THSD7B: variants seen among roughly 807,000 people sequenced by gnomAD.
THSD7B encodes thrombospondin type-1 domain-containing protein 7B.
Under a neutral mutation model 213.6 loss-of-function variants are expected in THSD7B, and 138 were observed. The ratio of observed to expected loss-of-function variants is 0.65; its 90% CI spans 0.56 to 0.74. The LOEUF (loss-of-function observed/expected upper bound fraction) is 0.74. Ranked by LOEUF, THSD7B falls within the 30% of genes least tolerant of loss-of-function variation. The pLI, the probability that THSD7B is intolerant of heterozygous loss-of-function variation, is 0.00. For missense variants in THSD7B, 1,931 were observed against 1,991.5 expected (o/e 0.97, Z 0.58); for synonymous variants, 742 against 687.0 (o/e 1.08, Z -1.25).
intron 2 of THSD7B, among the ~76,000 whole-genome samples, chr2:137,025,127 A>G (rs995145041): frequency 2.0e-5 from 3 of 152,160 alleles, no homozygotes; most frequent in African/African-American, 7.2e-5. Context: ...AAGTCTACCC[A>G]GTCTTTTCAT....
chr2:137,099,052 G>C (rs949326604), intron 4 of THSD7B, among the ~76,000 whole-genome samples: 4 of 152,126 alleles, frequency 2.6e-5, no homozygotes, highest in African/African-American at 9.7e-5. Context: ...CAGTCTATTT[G>C]TAATTTTATG....
intron 26 of THSD7B, 131 bp downstream of exon 26, chr2:137,663,706 T>G (rs1356837627): frequency 1.3e-6 from 1 of 782,860 alleles, no homozygotes; most frequent in Non-Finnish European, 2.0e-6. Context: ...AAGGCATAAT[T>G]CAGGGTTTCT....
intron 15 of THSD7B, among the ~76,000 whole-genome samples, chr2:137,544,866 T>C (rs542203052): frequency 1.3e-4 from 19 of 151,952 alleles, no homozygotes; most frequent in African/African-American, 4.6e-4. Flanking sequence ...CTGACATTAT[T>C]GTAGAATTGT....
In THSD7B at chr2:137,078,304, T is replaced by A. The variant is rs370498666; in HGVS notation, c.951-16569T>A. Among the ~76,000 whole-genome samples the A allele has an allele frequency of 7.2e-5, 11 of 152,278 alleles. No individual in the cohort carries two copies. The East Asian group carries it at 1.5e-3, about 21-fold the overall frequency. ...TTTTGGCTTAGGATTGACTTGGCAATGTGGACTCTTTTTTGTTAAGTTTTT... is the reference window on the plus strand; with the variant it reads ...TTTTGGCTTAGGATTGACTTGGCAAAGTGGACTCTTTTTTGTTAAGTTTTT... On this transcript the variant is annotated intron_variant, in intron 3 of 27. Coordinates refer to ENST00000409968, the MANE Select transcript of THSD7B (RefSeq NM_001316349.2).
intron 14 of THSD7B, among the ~76,000 whole-genome samples, chr2:137,447,318 T>G (rs1032101772): frequency 1.3e-5 from 2 of 152,170 alleles, no homozygotes; most frequent in Non-Finnish European, 2.9e-5. Flanking sequence ...AATTCTGCTT[T>G]AACATAGGGT....
At chr2:136,883,191 C>T (rs913832617) in intron 2 of THSD7B, among the ~76,000 whole-genome samples, 3 of 151,894 alleles carry the variant, frequency 2.0e-5, no homozygotes, top group African/African-American at 7.3e-5. Context: ...CTATGGTCCT[C>T]AAAGAATTTT....
At chr2:137,498,624 T>C (rs1346625639) in intron 15 of THSD7B, among the ~76,000 whole-genome samples, 1 of 151,978 alleles carries the variant, frequency 6.6e-6, no homozygotes, top group Non-Finnish European at 1.5e-5. Context: ...GAATGGAATC[T>C]GGGGGTAGGG....
intron 20 of THSD7B, among the ~76,000 whole-genome samples, chr2:137,623,184 C>T (rs1374032038): frequency 6.6e-6 from 1 of 152,120 alleles, no homozygotes; most frequent in Non-Finnish European, 1.5e-5. Flanking sequence ...ATATGCGAAT[C>T]AATAAACATA....
At chr2:137,240,625 C>T (rs1237510956) in intron 9 of THSD7B, among the ~76,000 whole-genome samples, 1 of 152,116 alleles carries the variant, frequency 6.6e-6, no homozygotes, top group Admixed American at 6.5e-5. Flanking sequence ...ATCCTCTGGC[C>T]TCAGCAACCC....
At chr2:136,774,812 C>T (rs1019438757) in intron 1 of THSD7B, among the ~76,000 whole-genome samples, 2 of 152,228 alleles carry the variant, frequency 1.3e-5, no homozygotes, top group African/African-American at 4.8e-5. Context: ...GGAATAAAAA[C>T]ATAATGCTTG....
At chr2:136,891,006 A>C (rs936661554) in intron 2 of THSD7B, among the ~76,000 whole-genome samples, 9 of 150,502 alleles carry the variant, frequency 6.0e-5, no homozygotes, top group African/African-American at 2.0e-4. Flanking sequence ...TAATGTCTAA[A>C]TTTTTTTTCT....
In THSD7B at chr2:137,226,113, T is replaced by C. The variant is rs149441502; in HGVS notation, c.1724-4931T>C. On this transcript the variant is annotated intron_variant, in intron 7 of 27. Coordinates refer to ENST00000409968, the MANE Select transcript of THSD7B (RefSeq NM_001316349.2). ...TGGGCAAGCATTTAATCAAGGTTTA[T>C]TGGCATTCTTTTCTTAGATTTAAGT... Among the ~76,000 whole-genome samples the C allele has an allele frequency of 2.9e-4, 44 of 152,002 alleles. 2 individuals carry two copies. Among genetic ancestry groups the C allele is most frequent in the Middle Eastern group, 6.8e-3 (2 of 294 alleles).
chr2:137,121,880 G>C (rs1377927724), intron 5 of THSD7B, among the ~76,000 whole-genome samples: 1 of 152,198 alleles, frequency 6.6e-6, no homozygotes, highest in African/African-American at 2.4e-5. Context: ...TTGTTTGACT[G>C]TTGACCAGAC....
At chr2:136,937,987 G>A (rs1270284430) in intron 2 of THSD7B, among the ~76,000 whole-genome samples, 4 of 152,126 alleles carry the variant, frequency 2.6e-5, no homozygotes, top group Admixed American at 2.6e-4. Flanking sequence ...TCCTATTTTT[G>A]TACAGGTTCA....
intron 12 of THSD7B, among the ~76,000 whole-genome samples, chr2:137,398,432 G>A (rs1402765995): frequency 3.3e-5 from 5 of 151,520 alleles, no homozygotes; most frequent in African/African-American, 1.2e-4. Flanking sequence ...TGTGTGAGGT[G>A]TCAGTGTGCC....
chr2:137,365,277 C>G (rs1346731073), intron 12 of THSD7B, among the ~76,000 whole-genome samples: 1 of 152,152 alleles, frequency 6.6e-6, no homozygotes, highest in Non-Finnish European at 1.5e-5. Flanking sequence ...AGATCTAAAA[C>G]CATTAAAACC....
chr2:137,417,842 A>C (rs1426969202), intron 14 of THSD7B, among the ~76,000 whole-genome samples: 1 of 152,216 alleles, frequency 6.6e-6, no homozygotes, highest in African/African-American at 2.4e-5. Flanking sequence ...AGTTCATGGA[A>C]GGGACTGAAT....
At chr2:137,015,228 C>T (rs1431487011) in intron 2 of THSD7B, among the ~76,000 whole-genome samples, 1 of 152,140 alleles carries the variant, frequency 6.6e-6, no homozygotes, top group Non-Finnish European at 1.5e-5. Flanking sequence ...GGACACGTGT[C>T]TCATTCTAAA....
intron 6 of THSD7B, among the ~76,000 whole-genome samples, chr2:137,162,909 G>A (rs868453138): frequency 1.4e-4 from 22 of 152,062 alleles, no homozygotes; most frequent in African/African-American, 2.9e-4. Context: ...GCAGGCATGC[G>A]CCACCATGTC....
Sources: allele counts gnomAD v4.1 joint callset (sites outside exome capture counted in the v4.1 genomes callset), GRCh38; gene constraint gnomAD v4.1.1; transcripts MANE v1.5; gene names NCBI Gene and HGNC (gene_info 2026-07-23, HGNC 2026-07-21).